Variants in RAB10 observed in about 807,000 individuals in gnomAD.
RAB10 encodes the protein ras-related protein Rab-10.
A neutral mutation model predicts 25.7 loss-of-function variants in RAB10; 5 were observed. The ratio of observed to expected loss-of-function variants is 0.19; its 90% confidence interval spans 0.10 to 0.41. The LOEUF is 0.41. Among genes scored for constraint, RAB10 ranks in the 10% least tolerant of loss-of-function variants. The pLI, the probability that RAB10 is intolerant of heterozygous loss-of-function variation, is 1.00. For missense variants in RAB10, 103 were observed against 245.8 expected, an observed-to-expected ratio of 0.42 and a Z score of 3.89; for synonymous variants, 89 against 86.4, an observed-to-expected ratio of 1.03 and a Z score of -0.16.
chr2:26,094,346 G>C (rs1327468997), intron 1 of RAB10, among the ~76,000 whole-genome samples: 4 of 151,856 alleles, frequency 2.6e-5, no homozygotes, highest in Non-Finnish European at 4.4e-5. Flanking sequence ...CCACCTCCCG[G>C]GTTCAAGCAA....
intron 1 of RAB10, among the ~76,000 whole-genome samples, chr2:26,056,220 G>A (rs1036150939): frequency 3.3e-5 from 5 of 151,652 alleles, no homozygotes; most frequent in Non-Finnish European, 7.4e-5. Context: ...CTTTTTTTGA[G>A]ATGGAGTCTT....
At chr2:26,103,433 G>C (rs1667385866) in intron 2 of RAB10, among the ~76,000 whole-genome samples, 1 of 152,304 alleles carries the variant, frequency 6.6e-6, no homozygotes, top group Non-Finnish European at 1.5e-5. Flanking sequence ...AATGAGAGGG[G>C]CTGGAGAAGG....
chr2:26,069,030 C>T (rs1156778191), intron 1 of RAB10, among the ~76,000 whole-genome samples: 2 of 152,100 alleles, frequency 1.3e-5, no homozygotes, highest in African/African-American at 4.8e-5. Context: ...TTTCTGTAAT[C>T]TCTCACATAT....
At chr2:26,091,244 A>G (rs966464722) in intron 1 of RAB10, among the ~76,000 whole-genome samples, 8 of 152,178 alleles carry the variant, frequency 5.3e-5, no homozygotes, top group Non-Finnish European at 1.0e-4. Context: ...ATGAGAGATG[A>G]ATAATAACAG....
chr2:26,056,180 C>T (rs528098500), intron 1 of RAB10, among the ~76,000 whole-genome samples: 16 of 152,178 alleles, frequency 1.1e-4, no homozygotes, highest in Admixed American at 2.6e-4. Context: ...CGTGAGCCAC[C>T]GTGTCTGGCC....
rs755881426 is a variant in RAB10 at position 26,127,924 on chromosome 2, C to T, written c.492C>T (p.Leu164=). 1.1e-5 allele frequency: 18 copies of T among 1,606,882 alleles called. No individual in the cohort carries two copies. The highest frequency in any genetic ancestry group is 3.3e-4 in the Middle Eastern group (2 of 6,074). ...KANINIEKAF[L]TLAEDILRKT... is the part of the protein sequence containing the mutation. The stretch of plus-strand genomic sequence containing the variant: ...ATATAAACATCGAAAAGGCGTTCCT[C>T]ACGTTAGCTGAAGATATCCTTCGAA... Residue 164 remains leucine (L), a synonymous_variant, in exon 5 of 6, where the codon CTC becomes CTT. Coordinates refer to ENST00000264710, the MANE Select transcript of RAB10 (RefSeq NM_016131.5).
In RAB10 at chr2:26,054,285, C is replaced by G. The variant is rs557031907; in HGVS notation, c.127+19550C>G. Among the ~76,000 whole-genome samples, 20 of 151,984 alleles carry G rather than the reference C, an allele frequency of 1.3e-4. No homozygotes were observed. The East Asian group carries it at 3.7e-3, about 28-fold the overall frequency. On this transcript the variant is annotated intron_variant, in intron 1 of 5. Transcript: ENST00000264710. The stretch of plus-strand genomic sequence containing the variant: ...ACCAGGCTGGTCTCAAACTCCTGAC[C>G]TCAGGTGATCTGCCCGTCTTGGCCT...
intron 1 of RAB10, among the ~76,000 whole-genome samples, chr2:26,091,109 A>G (rs1389472092): frequency 2.6e-5 from 4 of 152,186 alleles, no homozygotes; most frequent in African/African-American, 9.7e-5. Flanking sequence ...AACATCATTT[A>G]TCTGTTTATT....
intron 3 of RAB10, among the ~76,000 whole-genome samples, chr2:26,115,868 T>G (rs1667677827): frequency 1.3e-5 from 2 of 151,364 alleles, no homozygotes; most frequent in South Asian, 4.2e-4. Context: ...CTGTTTTTTT[T>G]TTTTTTTTTG....
At chr2:26,087,995 G>A (rs1667023973) in intron 1 of RAB10, among the ~76,000 whole-genome samples, 1 of 152,158 alleles carries the variant, frequency 6.6e-6, no homozygotes, top group African/African-American at 2.4e-5. Context: ...ACTAGAACCT[G>A]GTCTTGAAAT....
At chr2:26,077,318 A>G (rs1391200660) in intron 1 of RAB10, among the ~76,000 whole-genome samples, 1 of 152,218 alleles carries the variant, frequency 6.6e-6, no homozygotes, top group African/African-American at 2.4e-5. Flanking sequence ...GTGAAAGTCA[A>G]CACATCTTTT....
At chr2:26,056,016 TC>T (rs940533266) in intron 1 of RAB10, among the ~76,000 whole-genome samples, 1 of 151,770 alleles carries the variant, frequency 6.6e-6, no homozygotes, top group Non-Finnish European at 1.5e-5. Context: ...CACCTCAGCC[TC>T]CCAAGTAGCT....
chr2:26,067,655 A>T (rs987171595), intron 1 of RAB10, among the ~76,000 whole-genome samples: 1 of 152,214 alleles, frequency 6.6e-6, no homozygotes, highest in Non-Finnish European at 1.5e-5. Flanking sequence ...TCAAATTTGT[A>T]AAGGGTTAAG....
chr2:26,077,151 G>T (rs574220057), intron 1 of RAB10, among the ~76,000 whole-genome samples: 20 of 152,232 alleles, frequency 1.3e-4, no homozygotes, highest in South Asian at 2.1e-4. Flanking sequence ...ATTCAGACAT[G>T]ATTGTGTTTT....
intron 1 of RAB10, among the ~76,000 whole-genome samples, chr2:26,041,809 C>A (rs1665893492): frequency 6.6e-6 from 1 of 152,166 alleles, no homozygotes; most frequent in Middle Eastern, 3.4e-3. Flanking sequence ...GAGGCTGAGG[C>A]AGGAGAACCG....
At chr2:26,046,850 T>C (rs1213155297) in intron 1 of RAB10, among the ~76,000 whole-genome samples, 1 of 152,162 alleles carries the variant, frequency 6.6e-6, no homozygotes, top group Non-Finnish European at 1.5e-5. Context: ...ACAGTGTTGA[T>C]TTGTTTCTTT....
intron 1 of RAB10, among the ~76,000 whole-genome samples, chr2:26,098,129 T>C (rs1382139738): frequency 8.3e-4 from 113 of 135,998 alleles, no homozygotes; most frequent in Non-Finnish European, 1.4e-3. Context: ...TTTTTTTTTT[T>C]TTTTTTTTGA....
chr2:26,061,710 G>A (rs1055613772), intron 1 of RAB10, among the ~76,000 whole-genome samples: 1 of 151,828 alleles, frequency 6.6e-6, no homozygotes, highest in Non-Finnish European at 1.5e-5. Context: ...TCGCTTAACA[G>A]TAATTTTAAG....
chr2:26,110,170 C>T lies in RAB10; in HGVS notation c.327+264C>T, dbSNP rs563881063. On this transcript the variant is annotated intron_variant, in intron 3 of 5. Coordinates refer to ENST00000264710, the MANE Select transcript of RAB10 (RefSeq NM_016131.5). ...TGGCCAACATGGTGAAACCCCATCA[C>T]TACTAAAAATTATAAAAATCAGCTG... Among the ~76,000 whole-genome samples the T allele has an allele frequency of 1.7e-4, 26 of 152,038 alleles. No homozygotes were observed. The South Asian group carries it at 2.3e-3, about 13-fold the overall frequency.
Sources: allele counts gnomAD v4.1 joint callset (sites outside exome capture counted in the v4.1 genomes callset), GRCh38; gene constraint gnomAD v4.1.1; transcripts MANE v1.5; gene names NCBI Gene and HGNC (gene_info 2026-07-23, HGNC 2026-07-21).